IZUMO1: variants seen among roughly 807,000 people sequenced by gnomAD.
IZUMO1 encodes the protein izumo sperm-egg fusion protein 1.
In IZUMO1, 44 loss-of-function variants were observed where a neutral mutation model predicts 40.7. That is an observed-to-expected ratio of 1.08 (90% CI 0.85 to 1.39). The LOEUF (loss-of-function observed/expected upper bound fraction) is 1.39. IZUMO1 is among the 40% of genes most tolerant of loss of function. The pLI is 0.00. For missense variants in IZUMO1, 368 were observed against 436.9 expected, an observed-to-expected ratio of 0.84 and a Z score of 1.41; for synonymous variants, 149 against 170.9, an observed-to-expected ratio of 0.87 and a Z score of 1.00.
intron 5 of IZUMO1, 33 bp from the exon 6 acceptor site, chr19:48,743,558 C>A: frequency 6.6e-7 from 1 of 1,523,312 alleles, no homozygotes; most frequent in Admixed American, 1.7e-5. Flanking sequence ...TGTATTTGCC[C>A]ACTAAGGGGC....
At position 48,745,821 on chromosome 19, in the gene IZUMO1, G is replaced by C. The variant is rs752961418; in HGVS notation, c.39C>G (p.Ala13=). The part of the protein sequence containing the change: ...PHFTLLCAAL[A]GCLLPAEGCV... ...ACCCCTCGGCAGGAAGCAAGCAACC[G>C]GCCAGCGCCGCACACAGGAGGGTAA... Residue 13 remains alanine, a synonymous_variant, in exon 2 of 10, where the codon GCC becomes GCG. Transcript: ENST00000332955. 3.1e-6 allele frequency: 5 copies of C among 1,614,174 alleles called. No homozygotes were observed. In the South Asian group the frequency reaches 3.3e-5, roughly 11 times the overall value.
chr19:48,740,981 A>G lies in IZUMO1; in HGVS notation c.980T>C (p.Phe327Ser), dbSNP rs766656914. 2 of 1,614,178 alleles carry G rather than the reference A, an allele frequency of 1.2e-6. No homozygotes were observed. The highest frequency in any genetic ancestry group is 2.2e-5 in the East Asian group (1 of 44,890). The part of the protein sequence containing the change: ...KVIDFIKSSL[F>S]GLGSGAAEQT... ...CTCGGCCGCTCCACTGCCAAGGCCA[A>G]ACAGTGAGGATTTGATGAAATCGAT... The change falls in exon 10 of 10, where the codon TTT becomes TCT. Residue 327 changes from phenylalanine (F) to serine (S), a missense_variant. Phe to Ser is a radical substitution (Grantham distance 155). Transcript: ENST00000332955. This position sits in a 1 kb window ranked among gnomAD's most constrained non-coding sequence, Gnocchi z 5.5.
chr19:48,743,780 C>T (rs1568487169), intron 5 of IZUMO1: 1 of 533,012 alleles, frequency 1.9e-6, no homozygotes. Flanking sequence ...ATCACAAGGT[C>T]AGGAGTTCAA....
intron 1 of IZUMO1, 172 bp downstream of exon 1, chr19:48,746,263 C>A: frequency 9.5e-7 from 1 of 1,057,274 alleles, no homozygotes; most frequent in Non-Finnish European, 1.1e-6. Flanking sequence ...CCCAGATTGA[C>A]GTGAGCCTGA....
Position 48,743,454 on chromosome 19 carries a change from C to T in IZUMO1, c.490G>A (p.Asp164Asn), listed in dbSNP as rs770680743. 6.4e-5 allele frequency: 104 copies of T among 1,614,124 alleles called. No individual in the cohort carries two copies. Among genetic ancestry groups the T allele is most frequent in the Non-Finnish European group, 8.1e-5 (96 of 1,180,004 alleles). Residue 164 changes from aspartate (D) to asparagine (N), a missense_variant, in exon 6 of 10, where the codon GAT (aspartate) becomes AAT (asparagine). By Grantham distance (23) the Asp-to-Asn change is conservative. Transcript: ENST00000332955. ...GGTCCAGTTCTCTCACCCCCGCAAT[C>T]GTAGGACTTTCGACAAGCGTGAACC... ...KEVHACRKSY[D>N]CGERNVEVPQ...
Position 48,741,566 on chromosome 19 carries a change from C to A in IZUMO1, c.755-88G>T. 1 of 1,438,946 alleles carries A rather than the reference C, an allele frequency of 6.9e-7. No homozygotes were observed. Among genetic ancestry groups the A allele is most frequent in the Non-Finnish European group, 9.5e-7 (1 of 1,051,464 alleles). 89.1% of individuals were successfully genotyped at this position (1,438,946 alleles called of 1,614,324 possible). On this transcript the variant is annotated intron_variant, in intron 8 of 9. Coordinates refer to ENST00000332955, the MANE Select transcript of IZUMO1 (RefSeq NM_182575.3). This position sits in a 1 kb window ranked among gnomAD's most constrained non-coding sequence, Gnocchi z 4.4. ...AAGCCCGTCCCAGTAGCCGGCCATC[C>A]CAGAGATAATCACGCCTTCAACAGT...
In IZUMO1 at chr19:48,745,876, A is replaced by G. The variant is rs367687317; in HGVS notation, c.-17T>C. On this transcript the variant is annotated 5_prime_UTR_variant, in exon 2 of 10. Coordinates refer to ENST00000332955, the MANE Select transcript of IZUMO1 (RefSeq NM_182575.3). ...CGGCCCCATTGCAGCCGGCGCGCAC[A>G]GTTCCCGAAGACCGTTAGGAAGGGT... 2.5e-6 allele frequency: 4 copies of G among 1,613,662 alleles called. No homozygotes were observed. The highest frequency in any genetic ancestry group is 3.4e-6 in the Non-Finnish European group (4 of 1,179,748).
Position 48,746,712 on chromosome 19 carries a change from G to A in IZUMO1, c.-351C>T, listed in dbSNP as rs2033895495. ...TGAGGGCTTTTAAAGAGGAAGCCGG[G>A]GTCATGACCACCTACGCTAATTTTC... On this transcript the variant is annotated 5_prime_UTR_variant, in exon 1 of 10. Transcript: ENST00000332955. The A allele has an allele frequency of 3.0e-6, 3 of 985,410 alleles. No homozygotes were observed. The South Asian group carries it at 1.4e-4, about 46-fold the overall frequency. 61.0% of individuals were successfully genotyped at this position (985,410 alleles called of 1,614,324 possible).
chr19:48,743,504 A>G lies in IZUMO1; in HGVS notation c.440T>C (p.Ile147Thr). 1 of 1,614,094 alleles carries G rather than the reference A, an allele frequency of 6.2e-7. No homozygotes were observed. Among genetic ancestry groups the G allele is most frequent in the Non-Finnish European group, 8.5e-7 (1 of 1,179,980 alleles). ...CTCCTTTTTGCAGTTCTTGCACCAG[A>G]TCAGAGTTTGCAACATCACACCTGG... ...NKCGVMLQTLIWCKNCKKEVH... is the reference protein window; with the variant it reads ...NKCGVMLQTLTWCKNCKKEVH... The change falls in exon 6 of 10, where the codon ATC becomes ACC. Residue 147 changes from isoleucine (I) to threonine (T), a missense_variant. Physicochemically the swap from Ile to Thr is moderately conservative, Grantham distance 89. Coordinates refer to ENST00000332955, the MANE Select transcript of IZUMO1 (RefSeq NM_182575.3).
In IZUMO1 at chr19:48,742,791, G is replaced by A. The variant is rs543968666; in HGVS notation, c.500-482C>T. Among the ~76,000 whole-genome samples the A allele has an allele frequency of 6.5e-5, 9 of 138,918 alleles. No homozygotes were observed. The East Asian group carries it at 7.2e-4, about 11-fold the overall frequency. The allele number at this position is 138,918 out of a possible 152,430, so 91.1% of individuals were successfully genotyped here. ...CACCCAGGCTGGAGTGCAGTGGCGCGATCTTATCTCACTACAACCTTCGCC... is the reference window on the plus strand; with the variant it reads ...CACCCAGGCTGGAGTGCAGTGGCGCAATCTTATCTCACTACAACCTTCGCC... On this transcript the variant is annotated intron_variant, in intron 6 of 9. Transcript: ENST00000332955.
chr19:48,742,318 G>A lies in IZUMO1; in HGVS notation c.500-9C>T. ...AACTTCCACATTCCGCTCTGGGGGT[G>A]GGGGATGACCATGGGACACTCATGA... On this transcript the variant is annotated splice_polypyrimidine_tract_variant and intron_variant, in intron 6 of 9. Coordinates refer to ENST00000332955, the MANE Select transcript of IZUMO1 (RefSeq NM_182575.3). 1 of 1,589,250 alleles carries A rather than the reference G, an allele frequency of 6.3e-7. No individual in the cohort carries two copies. The highest frequency in any genetic ancestry group is 8.6e-7 in the Non-Finnish European group (1 of 1,157,454).
rs761638719 is a variant in IZUMO1, at chr19:48,743,442, C to A, written c.499+3G>T. 6.2e-7 allele frequency: 1 copy of A among 1,614,108 alleles called. No individual in the cohort carries two copies. Among genetic ancestry groups the A allele is most frequent in the Admixed American group, 1.7e-5 (1 of 60,010 alleles). On this transcript the variant is annotated splice_donor_region_variant and intron_variant, in intron 6 of 9. Transcript: ENST00000332955. ...TTCCTCCTGCTGGGTCCAGTTCTCT[C>A]ACCCCCGCAATCGTAGGACTTTCGA...
intron 1 of IZUMO1, chr19:48,746,143 A>G: frequency 7.8e-7 from 1 of 1,286,662 alleles, no homozygotes. Flanking sequence ...CTGAGAGATC[A>G]GAAAAACTAT....
Position 48,745,579 on chromosome 19 carries a change from C to T in IZUMO1, c.235+46G>A, listed in dbSNP as rs371313026. On this transcript the variant is annotated intron_variant, in intron 2 of 9. Coordinates refer to ENST00000332955, the MANE Select transcript of IZUMO1 (RefSeq NM_182575.3). ...CTCTTCCTTCCCCTGGTCTTATCTCCCTCCTTTCCCAGGACCCAGGGGTCC... is the reference window on the plus strand; with the variant it reads ...CTCTTCCTTCCCCTGGTCTTATCTCTCTCCTTTCCCAGGACCCAGGGGTCC... The T allele has an allele frequency of 5.4e-4, 863 of 1,608,250 alleles. 1 individual carries two copies. The highest frequency in any genetic ancestry group is 7.0e-4 in the Non-Finnish European group (826 of 1,175,224).
intron 2 of IZUMO1, 30 bp downstream of exon 2, chr19:48,745,595 C>CCCTG (rs764266850): frequency 1.7e-5 from 27 of 1,612,764 alleles, no homozygotes; most frequent in Non-Finnish European, 2.1e-5. Flanking sequence ...TTCCCAGGAC[C>CCCTG]CAGGGGTCCG....
At chr19:48,744,236 C>G in intron 4 of IZUMO1, 41 bp from the exon 5 acceptor site, 2 of 1,596,048 alleles carry the variant, frequency 1.3e-6, no homozygotes, top group Non-Finnish European at 1.7e-6. Context: ...AAAGAGATGA[C>G]AGAGTCAGAT....
In IZUMO1 at chr19:48,741,811, C is replaced by T. The variant is rs1217628994; in HGVS notation, c.732G>A (p.Thr244=). The T allele has an allele frequency of 1.9e-6, 3 of 1,594,256 alleles. No individual in the cohort carries two copies. Among genetic ancestry groups the T allele is most frequent in the East Asian group, 2.3e-5 (1 of 44,402 alleles). Residue 244 remains threonine, a synonymous_variant, in exon 8 of 10, where the codon ACG becomes ACA. Coordinates refer to ENST00000332955, the MANE Select transcript of IZUMO1 (RefSeq NM_182575.3). This position sits in a 1 kb window ranked among gnomAD's most constrained non-coding sequence, Gnocchi z 4.4. ...ELGSVNSSPA[T]IINFHVTVLP... is the part of the protein sequence containing the mutation. ...GACCTGTGACGTGAAAATTGATGATCGTGGCTGGGCTGGAATTCACAGAGC... is the reference window on the plus strand; with the variant it reads ...GACCTGTGACGTGAAAATTGATGATTGTGGCTGGGCTGGAATTCACAGAGC...
chr19:48,745,228 T>A lies in IZUMO1; in HGVS notation c.296A>T (p.Asp99Val), dbSNP rs2033845248. 1 of 1,613,454 alleles carries A rather than the reference T, an allele frequency of 6.2e-7. No homozygotes were observed. Among genetic ancestry groups the A allele is most frequent in the Non-Finnish European group, 8.5e-7 (1 of 1,179,528 alleles). ...GATGCATTTACCTTTTACATCACTG[T>A]CTGTGATGCGTTTCAGATCCTTCAG... Reference protein sequence around the residue: ...SLLKDLKRITDSDVKGDLFVK... With the variant: ...SLLKDLKRITVSDVKGDLFVK... The change falls in exon 3 of 10, where the codon GAC (aspartate) becomes GTC (valine). Residue 99 changes from aspartate to valine, a missense_variant. By Grantham distance (152) the Asp-to-Val change is radical. Transcript: ENST00000332955.
At chr19:48,746,263 C>G (rs2033880900) in intron 1 of IZUMO1, 172 bp downstream of exon 1, 1 of 1,057,274 alleles carries the variant, frequency 9.5e-7, no homozygotes, top group South Asian at 3.2e-5. Flanking sequence ...CCCAGATTGA[C>G]GTGAGCCTGA....
Sources: allele counts gnomAD v4.1 joint callset (sites outside exome capture counted in the v4.1 genomes callset), GRCh38; gene constraint gnomAD v4.1.1; non-coding constraint Gnocchi (gnomAD v3.1); transcripts MANE v1.5; gene names NCBI Gene and HGNC (gene_info 2026-07-23, HGNC 2026-07-21).